RP1: variants seen among roughly 807,000 people sequenced by gnomAD.
RP1 encodes RP1 axonemal microtubule associated, also known as oxygen-regulated protein 1.
A neutral mutation model predicts 14.8 loss-of-function variants in RP1; 16 were observed. That is an observed-to-expected ratio of 1.08 (90% CI 0.73 to 1.65). The LOEUF (loss-of-function observed/expected upper bound fraction) is 1.65. Ranked by LOEUF, RP1 falls within the 40% of genes most tolerant of loss-of-function variation. The probability of loss-of-function intolerance (pLI) is 0.00; values close to 1 mark genes in which losing one functional copy is unlikely to be tolerated. For missense variants in RP1, 2,631 were observed against 2,535.0 expected (o/e 1.04, Z -0.81); for synonymous variants, 876 against 883.6 (o/e 0.99, Z 0.15).
At chr8:54,833,238 T>C (rs1308342061) in intron 24 of RP1, among the ~76,000 whole-genome samples, 1 of 151,986 alleles carries the variant, frequency 6.6e-6, no homozygotes, top group Non-Finnish European at 1.5e-5. Context: ...ACTGTGTGTT[T>C]CTGCTTGAGT....
intron 1 of RP1, among the ~76,000 whole-genome samples, chr8:54,566,713 A>G (rs1804415873): frequency 6.6e-6 from 1 of 152,176 alleles, no homozygotes; most frequent in Non-Finnish European, 1.5e-5. Context: ...GGTGGCTCCC[A>G]GCTGAGCTCA....
chr8:54,752,057 G>C (rs954619927), intron 19 of RP1, among the ~76,000 whole-genome samples: 8 of 152,294 alleles, frequency 5.3e-5, no homozygotes, highest in Admixed American at 5.2e-4. Flanking sequence ...GTTTTAGGTA[G>C]TATGACCTTG....
At chr8:54,640,316 T>C (rs893551541) in intron 3 of RP1, among the ~76,000 whole-genome samples, 14 of 152,316 alleles carry the variant, frequency 9.2e-5, no homozygotes, top group African/African-American at 3.4e-4. Context: ...TTCTATTTCA[T>C]TGATTTGTGC....
chr8:54,779,120 C>T (rs1810118373), intron 23 of RP1, among the ~76,000 whole-genome samples: 1 of 152,150 alleles, frequency 6.6e-6, no homozygotes, highest in Non-Finnish European at 1.5e-5. Context: ...AACAAACAAA[C>T]ATTTCACAAA....
exon 29 of RP1, chr8:54,870,436 T>G (rs1255019072): frequency 1.3e-5 from 2 of 152,228 alleles, no homozygotes; most frequent in African/African-American, 2.4e-5. Context: ...GGTATGTCTC[T>G]CTCAGAATTA....
intron 16 of RP1, among the ~76,000 whole-genome samples, chr8:54,721,438 A>C (rs1808534888): frequency 6.6e-6 from 1 of 152,236 alleles, no homozygotes; most frequent in Non-Finnish European, 1.5e-5. Context: ...GTCAGCTGCC[A>C]TGCTGGAAGA....
At chr8:54,582,940 T>C (rs1804831489) in intron 1 of RP1, among the ~76,000 whole-genome samples, 1 of 152,244 alleles carries the variant, frequency 6.6e-6, no homozygotes, top group African/African-American at 2.4e-5. Context: ...TCATGTCATC[T>C]GGAAACAGGG....
chr8:54,634,053 CAA>C (rs1806303442), downstream of RP1, among the ~76,000 whole-genome samples: 1 of 152,050 alleles, frequency 6.6e-6, no homozygotes, highest in African/African-American at 2.4e-5. Context: ...ACCCTGAAAA[CAA>C]AATGACTTTC....
intron 19 of RP1, among the ~76,000 whole-genome samples, chr8:54,744,384 CAGAG>C (rs1809174879): frequency 6.6e-6 from 1 of 152,144 alleles, no homozygotes; most frequent in African/African-American, 2.4e-5. Context: ...GGACATGAGT[CAGAG>C]AGCCCCGAAG....
exon 22 of RP1, chr8:54,759,054 G>A (rs1275156310): frequency 3.9e-6 from 6 of 1,535,142 alleles, no homozygotes; most frequent in South Asian, 1.2e-5. Context: ...CACCACATCC[G>A]AGTCCATCTT....
At chr8:54,775,982 C>G (rs566469415) in intron 23 of RP1, among the ~76,000 whole-genome samples, 1 of 152,232 alleles carries the variant, frequency 6.6e-6, no homozygotes, top group East Asian at 1.9e-4. Flanking sequence ...GGTCCTACAT[C>G]CCCAGATTCC....
intron 1 of RP1, among the ~76,000 whole-genome samples, chr8:54,577,365 C>G (rs969272761): frequency 6.6e-6 from 1 of 152,112 alleles, no homozygotes; most frequent in Non-Finnish European, 1.5e-5. Context: ...AAACAACTGC[C>G]TATTTTTGGT....
chr8:54,810,863 C>A (rs374672775), intron 24 of RP1, among the ~76,000 whole-genome samples: 1 of 152,136 alleles, frequency 6.6e-6, no homozygotes, highest in Admixed American at 6.5e-5. Flanking sequence ...GAGGCAGAAC[C>A]TGTTAGCAGG....
intron 19 of RP1, among the ~76,000 whole-genome samples, chr8:54,744,546 A>T (rs1394215601): frequency 6.6e-6 from 1 of 152,194 alleles, no homozygotes; most frequent in Non-Finnish European, 1.5e-5. Flanking sequence ...AAGCCGTTTG[A>T]CCTTGTTTAG....
intron 25 of RP1, among the ~76,000 whole-genome samples, chr8:54,839,376 A>G (rs1262938930): frequency 6.6e-6 from 1 of 152,214 alleles, no homozygotes; most frequent in African/African-American, 2.4e-5. Flanking sequence ...GGGTAAACAC[A>G]TGCCTACAAA....
At chr8:54,562,394 ATATTT>A (rs1034454105) in intron 1 of RP1, among the ~76,000 whole-genome samples, 6 of 152,354 alleles carry the variant, frequency 3.9e-5, no homozygotes, top group African/African-American at 1.2e-4. Context: ...GTTAAAAGAA[ATATTT>A]TAAGTAGGCT....
intron 19 of RP1, among the ~76,000 whole-genome samples, chr8:54,740,948 A>AT (rs1347371732): frequency 1.3e-5 from 2 of 151,796 alleles, no homozygotes; most frequent in Admixed American, 6.6e-5. Flanking sequence ...AGGCAGGAGA[A>AT]TCGCTTGAAC....
In RP1 at chr8:54,625,619, TG is replaced by T. The variant is rs780481428; in HGVS notation, c.1738del (p.Val580Ter). The T allele has an allele frequency of 6.2e-7, 1 of 1,614,164 alleles. No homozygotes were observed. The highest frequency in any genetic ancestry group is 8.5e-7 in the Non-Finnish European group (1 of 1,180,012). On this transcript the variant is annotated frameshift_variant, in exon 4 of 4. Coordinates refer to ENST00000220676, the MANE Select transcript of RP1 (RefSeq NM_006269.2). LOFTEE classifies it low-confidence loss of function (END_TRUNC). ...CAAATAACTCAATTGTGGAGGAAGA[TG>T]TAGTTGATTGTGTGGTATTGGACAA... Reference protein sequence around the residue: ...ISNNSIVEEDVVDCVVLDNKT... With the variant: ...ISNNSIVEEDXVDCVVLDNKT...
At chr8:54,754,509 T>G (rs1809452438) in intron 19 of RP1, among the ~76,000 whole-genome samples, 1 of 152,218 alleles carries the variant, frequency 6.6e-6, no homozygotes. Context: ...GCATAATATG[T>G]GGCAAATAAA....
Sources: allele counts gnomAD v4.1 joint callset (sites outside exome capture counted in the v4.1 genomes callset), GRCh38; gene constraint gnomAD v4.1.1; transcripts MANE v1.5; gene names NCBI Gene and HGNC (gene_info 2026-07-23, HGNC 2026-07-21).